Variants in KCNH1 observed in about 807,000 individuals in gnomAD.
KCNH1 encodes the protein potassium voltage-gated channel subfamily H member 1.
A neutral mutation model predicts 69.2 loss-of-function variants in KCNH1; 27 were observed. The ratio of observed to expected loss-of-function variants is 0.39; its 90% confidence interval spans 0.29 to 0.54. KCNH1 has a LOEUF of 0.54. Ranked by LOEUF, KCNH1 falls within the 20% of genes least tolerant of loss-of-function variation. The pLI is 0.68. For missense variants in KCNH1, 798 were observed against 1,261.6 expected (o/e 0.63, Z 5.57); for synonymous variants, 456 against 487.7 (o/e 0.93, Z 0.86).
intron 6 of KCNH1, among the ~76,000 whole-genome samples, chr1:210,976,177 T>C (rs943867018): frequency 6.6e-6 from 1 of 151,850 alleles, no homozygotes; most frequent in Non-Finnish European, 1.5e-5. Flanking sequence ...TCAACCATTG[T>C]GGAAGACAGT....
intron 1 of KCNH1, among the ~76,000 whole-genome samples, chr1:211,113,260 T>G (rs114347184): frequency 0.013 from 1,925 of 152,302 alleles, 47 homozygotes; most frequent in African/African-American, 0.044. Context: ...GACTTCAAAA[T>G]TTATGCTTTT....
intron 6 of KCNH1, among the ~76,000 whole-genome samples, chr1:210,976,779 T>C (rs1688620885): frequency 1.3e-5 from 2 of 149,344 alleles, no homozygotes; most frequent in African/African-American, 2.5e-5. Flanking sequence ...CCAGTTAGAA[T>C]GGGGATTATT....
At chr1:210,752,300 T>C (rs1683300781) in intron 10 of KCNH1, among the ~76,000 whole-genome samples, 3 of 152,162 alleles carry the variant, frequency 2.0e-5, no homozygotes, top group Admixed American at 2.0e-4. Flanking sequence ...CATAACTCCT[T>C]GGGTATCACT....
At chr1:211,019,337 C>A (rs987992210) in intron 5 of KCNH1, 81 bp from the exon 6 acceptor site, 5 of 829,042 alleles carry the variant, frequency 6.0e-6, no homozygotes, top group East Asian at 2.4e-5. Flanking sequence ...CAGTGATTGA[C>A]AAATGGTCAC....
At chr1:211,007,560 C>A (rs1258500968) in intron 6 of KCNH1, among the ~76,000 whole-genome samples, 1 of 152,176 alleles carries the variant, frequency 6.6e-6, no homozygotes, top group Non-Finnish European at 1.5e-5. Flanking sequence ...TCTTTCAACA[C>A]CTTCCTCAAC....
At chr1:210,950,473 G>GT (rs1239809326) in intron 6 of KCNH1, among the ~76,000 whole-genome samples, 1 of 147,246 alleles carries the variant, frequency 6.8e-6, no homozygotes, top group African/African-American at 2.5e-5. Flanking sequence ...GCAGTGTTTG[G>GT]TTTTTTGTTC....
intron 10 of KCNH1, among the ~76,000 whole-genome samples, chr1:210,722,434 C>T (rs1001328856): frequency 2.6e-5 from 4 of 152,078 alleles, no homozygotes; most frequent in African/African-American, 4.8e-5. Flanking sequence ...CAGGAGCCCA[C>T]TGCATAGCCA....
intron 5 of KCNH1, among the ~76,000 whole-genome samples, chr1:211,060,557 A>G (rs1690417458): frequency 6.6e-6 from 1 of 151,742 alleles, no homozygotes; most frequent in South Asian, 2.1e-4. Context: ...GGTTTTTTGA[A>G]AAGAAAAAAA....
Position 210,954,253 on chromosome 1 carries a change from C to A in KCNH1, c.1033-34184G>T, listed in dbSNP as rs1000665250. On this transcript the variant is annotated intron_variant, in intron 6 of 10. Transcript: ENST00000271751. ...CATGAACTCATCATTTTTATGGCTG[C>A]ATTGTATTCCATGGTGTATATGTGC... Among the ~76,000 whole-genome samples the A allele has an allele frequency of 3.3e-5, 5 of 152,340 alleles. No individual in the cohort carries two copies. In the East Asian group the frequency reaches 9.6e-4, roughly 29 times the overall value.
Position 211,000,822 on chromosome 1 carries a change from T to C in KCNH1, c.1032+17961A>G, listed in dbSNP as rs536383820. Among the ~76,000 whole-genome samples the C allele has an allele frequency of 6.6e-5, 10 of 152,144 alleles. No individual in the cohort carries two copies. The East Asian group carries it at 9.7e-4, about 15-fold the overall frequency. On this transcript the variant is annotated intron_variant, in intron 6 of 10. Coordinates refer to ENST00000271751, the MANE Select transcript of KCNH1 (RefSeq NM_172362.3). ...ACTGGTACCAAAACAGAGATATAGATCAATGGAACAGAACAGAGCCCTCAG... is the reference window on the plus strand; with the variant it reads ...ACTGGTACCAAAACAGAGATATAGACCAATGGAACAGAACAGAGCCCTCAG...
intron 6 of KCNH1, among the ~76,000 whole-genome samples, chr1:210,956,648 A>G (rs901224951): frequency 6.7e-6 from 1 of 150,256 alleles, no homozygotes; most frequent in African/African-American, 2.5e-5. Context: ...TTGGGAGGGT[A>G]TATGTGTCCA....
At chr1:211,048,660 T>C (rs570335948) in intron 5 of KCNH1, among the ~76,000 whole-genome samples, 6 of 152,202 alleles carry the variant, frequency 3.9e-5, no homozygotes, top group African/African-American at 1.4e-4. Context: ...TCCAAAGGCA[T>C]GAGAATGATA....
chr1:210,846,970 C>G (rs148021301), intron 7 of KCNH1, among the ~76,000 whole-genome samples: 4,642 of 152,248 alleles, frequency 0.03, 285 homozygotes, highest in East Asian at 0.17. Context: ...ACAAAAAACA[C>G]GTGAAAAAAT....
At chr1:210,942,614 T>C (rs1340251404) in intron 6 of KCNH1, among the ~76,000 whole-genome samples, 1 of 152,144 alleles carries the variant, frequency 6.6e-6, no homozygotes. Flanking sequence ...AGGAGAATAA[T>C]GCCCCTTCTC....
In KCNH1 at chr1:210,833,593, C is replaced by A. The variant is rs563540753; in HGVS notation, c.1463-29427G>T. ...AACCATAAAAACCCTAGAAGAAAACCTAGGCATTACCATTCAGGACATAGG... is the reference window on the plus strand; with the variant it reads ...AACCATAAAAACCCTAGAAGAAAACATAGGCATTACCATTCAGGACATAGG... On this transcript the variant is annotated intron_variant, in intron 7 of 10. Transcript: ENST00000271751. Among the ~76,000 whole-genome samples, 147 of 152,190 alleles carry A rather than the reference C, an allele frequency of 9.7e-4. 1 individual carries two copies. Among genetic ancestry groups the A allele is most frequent in the South Asian group, 4.2e-3 (20 of 4,818 alleles).
chr1:210,837,277 C>T (rs1359139434), intron 7 of KCNH1, among the ~76,000 whole-genome samples: 9 of 152,126 alleles, frequency 5.9e-5, no homozygotes, highest in Non-Finnish European at 1.3e-4. Context: ...GCCACCCTTC[C>T]CCTGTGTTCC....
intron 7 of KCNH1, among the ~76,000 whole-genome samples, chr1:210,844,457 C>A (rs1574291027): frequency 1.3e-5 from 2 of 152,328 alleles, no homozygotes; most frequent in South Asian, 4.2e-4. Flanking sequence ...GGAAACTGAA[C>A]AACCTGCTCC....
Position 210,861,011 on chromosome 1 carries a change from T to C in KCNH1, c.1463-56845A>G, listed in dbSNP as rs1370011283. Reference sequence around the variant, plus strand: ...TCCATCTTTTTTTCAAAGGTCAGCATTGGGTTCTGTAAGAATCTGGTAACA... The same window carrying C: ...TCCATCTTTTTTTCAAAGGTCAGCACTGGGTTCTGTAAGAATCTGGTAACA... On this transcript the variant is annotated intron_variant, in intron 7 of 10. Transcript: ENST00000271751. 4 of 1,056,066 alleles carry C rather than the reference T, an allele frequency of 3.8e-6. No individual in the cohort carries two copies. In the African/African-American group the frequency reaches 4.7e-5, roughly 12 times the overall value. 65.4% of individuals were successfully genotyped at this position (1,056,066 alleles called of 1,614,324 possible). A position where few individuals can be genotyped will look rare whatever the true frequency, so the allele number is the denominator to read the frequency against.
chr1:211,049,207 T>C (rs138406241), intron 5 of KCNH1, among the ~76,000 whole-genome samples: 60 of 152,278 alleles, frequency 3.9e-4, no homozygotes, highest in African/African-American at 1.4e-3. Flanking sequence ...TATTAAAATA[T>C]AATGCAACAA....
Sources: allele counts gnomAD v4.1 joint callset (sites outside exome capture counted in the v4.1 genomes callset), GRCh38; gene constraint gnomAD v4.1.1; transcripts MANE v1.5; gene names NCBI Gene and HGNC (gene_info 2026-07-23, HGNC 2026-07-21).